ELF1: variants seen among roughly 807,000 people sequenced by gnomAD.
ELF1 encodes ETS-related transcription factor Elf-1.
Under a neutral mutation model 59.9 loss-of-function variants are expected in ELF1, and 24 were observed. The observed-to-expected ratio is 0.40, with a 90% CI of 0.29 to 0.56. ELF1 has a LOEUF of 0.56. Among genes scored for constraint, ELF1 ranks in the 20% least tolerant of loss-of-function variants. The pLI is 0.44. For synonymous variants in ELF1, 248 were observed against 266.2 expected, an observed-to-expected ratio of 0.93 and a Z score of 0.67; for missense variants, 627 against 742.2, an observed-to-expected ratio of 0.84 and a Z score of 1.80.
chr13:40,951,589 C>T, intron 3 of ELF1, 153 bp from the exon 4 acceptor site: 1 of 476,034 alleles, frequency 2.1e-6, no homozygotes. Context: ...CATACCAAAC[C>T]TGGCTGGCGC....
At chr13:40,958,238 G>A (rs1871578610) in intron 3 of ELF1, among the ~76,000 whole-genome samples, 1 of 152,134 alleles carries the variant, frequency 6.6e-6, no homozygotes, top group African/African-American at 2.4e-5. Flanking sequence ...AGTTCTGACT[G>A]AACCAGAAAA....
chr13:40,975,780 T>C (rs765937254), intron 2 of ELF1, among the ~76,000 whole-genome samples: 2 of 152,200 alleles, frequency 1.3e-5, no homozygotes, highest in East Asian at 1.9e-4. Context: ...TGAACACTTA[T>C]ATATCCCAGA....
At chr13:40,939,514 A>G (rs771164820) in intron 8 of ELF1, among the ~76,000 whole-genome samples, 4 of 152,194 alleles carry the variant, frequency 2.6e-5, no homozygotes, top group Non-Finnish European at 2.9e-5. Context: ...CAAACAGCCT[A>G]GAAACCAATG....
At chr13:41,040,096 T>C (rs1876543077) in intron 1 of ELF1, among the ~76,000 whole-genome samples, 1 of 152,226 alleles carries the variant, frequency 6.6e-6, no homozygotes, top group African/African-American at 2.4e-5. Context: ...AGAAGGCAAC[T>C]TCACAACCAA....
At chr13:41,055,083 C>T (rs770344069) in intron 1 of ELF1, among the ~76,000 whole-genome samples, 2 of 152,156 alleles carry the variant, frequency 1.3e-5, no homozygotes, top group Non-Finnish European at 2.9e-5. Flanking sequence ...CAGAGGGAAA[C>T]AAGTCAAAGC....
At chr13:40,949,129 G>A (rs762539687) in intron 5 of ELF1, among the ~76,000 whole-genome samples, 5 of 151,986 alleles carry the variant, frequency 3.3e-5, no homozygotes, top group Non-Finnish European at 5.9e-5. Context: ...GGGATTACAG[G>A]CACCTGTCAA....
chr13:40,972,015 T>C (rs562096184), intron 2 of ELF1, among the ~76,000 whole-genome samples: 1 of 152,234 alleles, frequency 6.6e-6, no homozygotes, highest in Non-Finnish European at 1.5e-5. Context: ...CTAAGTAGAT[T>C]AATAAATATC....
At chr13:40,938,640 A>T (rs948794938) in intron 8 of ELF1, among the ~76,000 whole-genome samples, 7 of 152,122 alleles carry the variant, frequency 4.6e-5, no homozygotes, top group African/African-American at 1.7e-4. Context: ...AGCTATGAGG[A>T]TTCTATGCCT....
intron 1 of ELF1, among the ~76,000 whole-genome samples, chr13:41,016,783 G>A (rs894097611): frequency 9.3e-5 from 14 of 150,492 alleles, no homozygotes; most frequent in African/African-American, 2.2e-4. Flanking sequence ...GCGTGGTGGC[G>A]CATGCCTGTA....
intron 1 of ELF1, among the ~76,000 whole-genome samples, chr13:41,054,353 C>T (rs7328075): frequency 3.3e-5 from 5 of 152,204 alleles, no homozygotes; most frequent in African/African-American, 1.2e-4. Context: ...AACAGTAAAT[C>T]GCAAATGAAT....
chr13:40,992,834 T>C (rs1466202039), intron 1 of ELF1: 1 of 523,060 alleles, frequency 1.9e-6, no homozygotes, highest in African/African-American at 1.9e-5. Context: ...AAATTTCTGT[T>C]GATCACCTCT....
chr13:41,049,830 A>G (rs763193716), intron 1 of ELF1, among the ~76,000 whole-genome samples: 5 of 152,118 alleles, frequency 3.3e-5, no homozygotes, highest in Non-Finnish European at 7.3e-5. Context: ...TGTTCAATCC[A>G]TGTCCGTCTC....
At chr13:40,934,126 T>C in intron 8 of ELF1, 98 bp from the exon 9 acceptor site, 2 of 1,443,768 alleles carry the variant, frequency 1.4e-6, no homozygotes, top group Non-Finnish European at 1.8e-6. Context: ...ACCAGTTATG[T>C]GTTTCAAAAT....
upstream of ELF1, among the ~76,000 whole-genome samples, chr13:41,020,550 GCTGT>G (rs1276878381): frequency 1.3e-5 from 2 of 152,190 alleles, no homozygotes; most frequent in South Asian, 2.1e-4. Context: ...CTTTCTGCCT[GCTGT>G]CTATTTATTC....
exon 1 of ELF1, chr13:41,060,895 G>T: frequency 5.9e-6 from 2 of 340,814 alleles, no homozygotes; most frequent in East Asian, 8.0e-5. Context: ...CGCCGCCTCT[G>T]CGCTACTGAA....
intron 1 of ELF1, among the ~76,000 whole-genome samples, chr13:40,996,699 G>T (rs1020799154): frequency 4.6e-5 from 7 of 152,162 alleles, no homozygotes; most frequent in Admixed American, 2.0e-4. Flanking sequence ...CTATGCATGT[G>T]CAGGGGCAGG....
At chr13:41,038,656 A>C (rs746353460) in intron 1 of ELF1, among the ~76,000 whole-genome samples, 5 of 152,222 alleles carry the variant, frequency 3.3e-5, no homozygotes, top group Non-Finnish European at 7.3e-5. Flanking sequence ...ACATTATTCC[A>C]ATTAGACATT....
At chr13:41,060,989 C>T in exon 1 of ELF1, 1 of 274,840 alleles carries the variant, frequency 3.6e-6, no homozygotes, top group Non-Finnish European at 7.3e-6. Flanking sequence ...CAAGCCCCAT[C>T]CGAGCGCGTG....
At chr13:40,986,806 T>C (rs1335062166) in intron 1 of ELF1, among the ~76,000 whole-genome samples, 1 of 152,082 alleles carries the variant, frequency 6.6e-6, no homozygotes, top group Admixed American at 6.5e-5. Context: ...AGATTTCAGG[T>C]ACTAAAAAAA....
Sources: allele counts gnomAD v4.1 joint callset (sites outside exome capture counted in the v4.1 genomes callset), GRCh38; gene constraint gnomAD v4.1.1; transcripts MANE v1.5; gene names NCBI Gene and HGNC (gene_info 2026-07-23, HGNC 2026-07-21).